SHKBP1: variants seen among roughly 807,000 people sequenced by gnomAD.
SHKBP1 encodes the protein SH3KBP1 binding protein 1, also known as SH3KBP1-binding protein 1.
In SHKBP1, 71 loss-of-function variants were observed where a neutral mutation model predicts 83.9. That is an observed-to-expected ratio of 0.85 (90% CI 0.70 to 1.03). SHKBP1 has a LOEUF of 1.03. Ranked by LOEUF, SHKBP1 falls within the 50% of genes least tolerant of loss-of-function variation. The pLI, the probability that SHKBP1 is intolerant of heterozygous loss-of-function variation, is 0.00. For missense variants in SHKBP1, 824 were observed against 982.4 expected (o/e 0.84, Z 2.16); for synonymous variants, 371 against 398.0 (o/e 0.93, Z 0.81).
At chr19:40,577,175 C>T in intron 1 of SHKBP1, 56 bp from the exon 2 acceptor site, 1 of 1,590,860 alleles carries the variant, frequency 6.3e-7, no homozygotes, top group East Asian at 2.2e-5. Flanking sequence ...GGGAGGGGGA[C>T]GCATTCCTCA....
intron 1 of SHKBP1, 57 bp from the exon 2 acceptor site, chr19:40,577,174 A>T: frequency 6.3e-7 from 1 of 1,586,560 alleles, no homozygotes; most frequent in South Asian, 1.1e-5. Flanking sequence ...CGGGAGGGGG[A>T]CGCATTCCTC....
chr19:40,586,264 T>G lies in SHKBP1; in HGVS notation c.1166-510T>G, dbSNP rs191214773. On this transcript the variant is annotated intron_variant, in intron 12 of 17. Transcript: ENST00000291842. Reference sequence around the variant, plus strand: ...TCCTCCTTTGACCTGTGCCTTTGTCTCCCTGTTCCTCCATTTCCCACATCT... The same window carrying G: ...TCCTCCTTTGACCTGTGCCTTTGTCGCCCTGTTCCTCCATTTCCCACATCT... Among the ~76,000 whole-genome samples, 85 of 152,270 alleles carry G rather than the reference T, an allele frequency of 5.6e-4. No homozygotes were observed. The South Asian group carries it at 0.014, about 24-fold the overall frequency.
chr19:40,590,603 G>A lies in SHKBP1; in HGVS notation c.1769-127G>A, dbSNP rs568064365. The A allele has an allele frequency of 3.1e-4, 417 of 1,332,058 alleles. No homozygotes were observed. Among genetic ancestry groups the A allele is most frequent in the Non-Finnish European group, 4.1e-4 (400 of 974,198 alleles). The allele number at this position is 1,332,058 out of a possible 1,614,324, so 82.5% of individuals were successfully genotyped here. ...TTTTCAACCCCTGTCTCAGCCTCTG[G>A]CCCCCATGCATTGATCTCTGCTTCC... On this transcript the variant is annotated intron_variant, in intron 16 of 17. Transcript: ENST00000291842. This position sits in a 1 kb window ranked among gnomAD's most constrained non-coding sequence, Gnocchi z 4.6.
chr19:40,576,917 T>G lies in SHKBP1; in HGVS notation c.18T>G (p.Thr6=). Residue 6 remains threonine, a synonymous_variant, in exon 1 of 18, where the codon ACT becomes ACG. Coordinates refer to ENST00000291842, the MANE Select transcript of SHKBP1 (RefSeq NM_138392.4). Reference sequence around the variant, plus strand: ...CGGGGGCCATGGCAGCAGCGGCTACTGCAGCCGAGGGGGTCCCCAGTCGGG... The same window carrying G: ...CGGGGGCCATGGCAGCAGCGGCTACGGCAGCCGAGGGGGTCCCCAGTCGGG... MAAAA[T]AAEGVPSRGP... The G allele has an allele frequency of 6.8e-7, 1 of 1,479,714 alleles. No individual in the cohort carries two copies. The highest frequency in any genetic ancestry group is 8.9e-7 in the Non-Finnish European group (1 of 1,120,098). 91.7% of individuals were successfully genotyped at this position (1,479,714 alleles called of 1,614,324 possible).
At chr19:40,577,470 G>C (rs531171460) in intron 3 of SHKBP1, 29 bp downstream of exon 3, 8 of 1,611,976 alleles carry the variant, frequency 5.0e-6, no homozygotes, top group Non-Finnish European at 6.8e-6. Context: ...GAAATGGGAT[G>C]GGGGGGAGGG....
At chr19:40,583,960 C>T (rs1433558432) in intron 12 of SHKBP1, among the ~76,000 whole-genome samples, 1 of 152,166 alleles carries the variant, frequency 6.6e-6, no homozygotes, top group African/African-American at 2.4e-5. Context: ...CCTGCCTCAG[C>T]CTCCCAAGTA....
chr19:40,578,010 C>T (rs1323256616), intron 4 of SHKBP1, 144 bp from the exon 5 acceptor site: 2 of 718,284 alleles, frequency 2.8e-6, no homozygotes, highest in Non-Finnish European at 5.1e-6. Flanking sequence ...TTCCTCCACC[C>T]ATATCATCAC....
intron 14 of SHKBP1, 52 bp downstream of exon 14, chr19:40,588,831 C>T: frequency 6.3e-7 from 1 of 1,595,618 alleles, no homozygotes. Context: ...TACCTGACCC[C>T]TGTTGACCTC....
Position 40,577,100 on chromosome 19 carries a change from T to C in SHKBP1, c.86+115T>C, listed in dbSNP as rs2081220560. On this transcript the variant is annotated intron_variant, in intron 1 of 17. Transcript: ENST00000291842. ...AAGGGTTGCTCCGCCCCCCCCCCCT[T>C]TGGAGGCGCGAGATTCTGGAAAAAC... 3 of 1,294,608 alleles carry C rather than the reference T, an allele frequency of 2.3e-6. No individual in the cohort carries two copies. In the East Asian group the frequency reaches 7.4e-5, roughly 32 times the overall value. The allele number at this position is 1,294,608 out of a possible 1,614,324, so 80.2% of individuals were successfully genotyped here.
At chr19:40,577,958 C>T (rs1187595822) in intron 4 of SHKBP1, 196 bp from the exon 5 acceptor site, 4 of 609,234 alleles carry the variant, frequency 6.6e-6, no homozygotes, top group Non-Finnish European at 1.2e-5. Context: ...TACACACACA[C>T]ACACACACAC....
chr19:40,583,176 G>A (rs62107874), intron 10 of SHKBP1, among the ~76,000 whole-genome samples: 24,442 of 151,936 alleles, frequency 0.16, 2,333 homozygotes, highest in East Asian at 0.25. Flanking sequence ...ACTTTAAAAA[G>A]TACAGAGTCC....
At position 40,590,263 on chromosome 19, in the gene SHKBP1, G is replaced by A. The variant is rs373184078; in HGVS notation, c.1609G>A (p.Val537Met). Residue 537 changes from valine (V) to methionine (M), a missense_variant, in exon 16 of 18, where the codon GTG (valine) becomes ATG (methionine). By Grantham distance (21) the Val-to-Met change is conservative (BLOSUM62 1). This residue lies in a region of SHKBP1 where 287 missense variants were observed against 322.9 expected (regional missense o/e 0.89). Coordinates refer to ENST00000291842, the MANE Select transcript of SHKBP1 (RefSeq NM_138392.4). The surrounding 1 kb of genome is among the most constrained non-coding windows in gnomAD (Gnocchi z 4.6). ...TGQRVCSVRSVDGSPTTAFTV... is the reference protein window; with the variant it reads ...TGQRVCSVRSMDGSPTTAFTV... ...CCCCAGGGTGTGCTCCGTGCGCTCC[G>A]TGGACGGCTCACCCACGACAGCCTT... 8.7e-6 allele frequency: 14 copies of A among 1,600,986 alleles called. No individual in the cohort carries two copies. Among genetic ancestry groups the A allele is most frequent in the Admixed American group, 1.7e-5 (1 of 58,776 alleles).
chr19:40,583,834 T>A, intron 12 of SHKBP1, 117 bp downstream of exon 12: 1 of 747,374 alleles, frequency 1.3e-6, no homozygotes, highest in Non-Finnish European at 2.3e-6. Flanking sequence ...GGCGGCAGAT[T>A]CAACTCTCTC....
intron 6 of SHKBP1, 128 bp from the exon 7 acceptor site, chr19:40,580,196 A>T: frequency 9.1e-7 from 1 of 1,097,428 alleles, no homozygotes; most frequent in African/African-American, 1.6e-5. Flanking sequence ...TCACTGCACC[A>T]CTTAAAATCT....
In SHKBP1 at chr19:40,583,658, A is replaced by G. The variant is rs1330726556; in HGVS notation, c.1106A>G (p.Tyr369Cys). The change falls in exon 12 of 18, where the codon TAT (tyrosine) becomes TGT (cysteine). Residue 369 changes from tyrosine to cysteine, a missense_variant. By Grantham distance (194) the Tyr-to-Cys change is radical. This residue lies in a region of SHKBP1 where 182 missense variants were observed against 273.1 expected (regional missense o/e 0.67). Coordinates refer to ENST00000291842, the MANE Select transcript of SHKBP1 (RefSeq NM_138392.4). ...AACGACCTCCTTGTCAGCGAGCTCT[A>G]TCGGGACCCAGCGGAGGATGGGGTC... ...KDNDLLVSEL[Y>C]RDPAEDGVTA... is the part of the protein sequence containing the mutation. The G allele has an allele frequency of 3.1e-6, 5 of 1,613,806 alleles. No homozygotes were observed. The highest frequency in any genetic ancestry group is 1.1e-5 in the South Asian group (1 of 91,058).
intron 10 of SHKBP1, among the ~76,000 whole-genome samples, chr19:40,583,133 ACT>A (rs1382054396): frequency 1.1e-4 from 16 of 151,976 alleles, no homozygotes; most frequent in African/African-American, 3.1e-4. Context: ...ACATAATAAG[ACT>A]CTGTCTCTAC....
At chr19:40,588,244 G>C (rs372396669) in intron 13 of SHKBP1, among the ~76,000 whole-genome samples, 323 of 152,276 alleles carry the variant, frequency 2.1e-3, no homozygotes, top group African/African-American at 7.3e-3. Context: ...AGAGGGCTCC[G>C]AGCAGGGGAG....
intron 6 of SHKBP1, 75 bp downstream of exon 6, chr19:40,578,617 G>C (rs1017678512): frequency 2.9e-6 from 4 of 1,365,642 alleles, no homozygotes; most frequent in East Asian, 2.3e-5. Flanking sequence ...TGCAGCTCTC[G>C]GGTGCCTGTG....
intron 4 of SHKBP1, 131 bp from the exon 5 acceptor site, chr19:40,578,023 C>T (rs2145975425): frequency 5.3e-6 from 4 of 753,264 alleles, no homozygotes; most frequent in East Asian, 2.5e-5. Flanking sequence ...ATCATCACTC[C>T]TTAGCATCTT....
Sources: allele counts gnomAD v4.1 joint callset (sites outside exome capture counted in the v4.1 genomes callset), GRCh38; gene constraint gnomAD v4.1.1; regional missense constraint gnomAD v4.1.1; non-coding constraint Gnocchi (gnomAD v3.1); transcripts MANE v1.5; gene names NCBI Gene and HGNC (gene_info 2026-07-23, HGNC 2026-07-21).